The following PPME1 variants were observed in gnomAD, a reference collection of about 807,000 sequenced individuals.
The protein encoded by PPME1 is testicular secretory protein Li 39.
Under a neutral mutation model 56.9 loss-of-function variants are expected in PPME1, and 17 were observed. The observed-to-expected ratio is 0.30, with a 90% CI of 0.20 to 0.45. PPME1 has a LOEUF of 0.45. PPME1 is among the 20% of genes least tolerant of loss of function. The pLI, the probability that PPME1 is intolerant of heterozygous loss-of-function variation, is 1.00. For synonymous variants in PPME1, 122 were observed against 156.2 expected, an observed-to-expected ratio of 0.78 and a Z score of 1.63; for missense variants, 357 against 483.2, an observed-to-expected ratio of 0.74 and a Z score of 2.45.
At chr11:74,201,414 A>C (rs373507145) in intron 1 of PPME1, among the ~76,000 whole-genome samples, 6 of 152,356 alleles carry the variant, frequency 3.9e-5, no homozygotes, top group African/African-American at 1.4e-4. Context: ...TGGCATTGGC[A>C]GAATCAGCTA....
At chr11:74,240,245 C>T (rs1461524468) in intron 9 of PPME1, among the ~76,000 whole-genome samples, 2 of 152,112 alleles carry the variant, frequency 1.3e-5, no homozygotes, top group African/African-American at 4.8e-5. Flanking sequence ...CTCAGAAATA[C>T]TATGGTCCTT....
chr11:74,173,263 ATTG>A (rs1857328025), intron 1 of PPME1, among the ~76,000 whole-genome samples: 1 of 152,224 alleles, frequency 6.6e-6, no homozygotes, highest in South Asian at 2.1e-4. Context: ...TGTAACATTA[ATTG>A]TTGTTAAATA....
At chr11:74,225,063 A>T (rs1858899409) in intron 4 of PPME1, 142 bp from the exon 5 acceptor site, 1 of 569,120 alleles carries the variant, frequency 1.8e-6, no homozygotes, top group Non-Finnish European at 3.0e-6. Flanking sequence ...GATTTTTCTG[A>T]AGAAAATCCT....
chr11:74,230,458 G>A lies in PPME1; in HGVS notation c.553+59G>A. 6.5e-7 allele frequency: 1 copy of A among 1,544,494 alleles called. No homozygotes were observed. Among genetic ancestry groups the A allele is most frequent in the South Asian group, 1.2e-5 (1 of 86,928 alleles). On this transcript the variant is annotated intron_variant, in intron 6 of 13. Transcript: ENST00000328257. The surrounding 1 kb of genome is among the most constrained non-coding windows in gnomAD (Gnocchi z 4.9). Reference sequence around the variant, plus strand: ...TCACTTATAAGAGACATCCTTGGTAGATTATTACCTTGTCTTAGTTTATTG... The same window carrying A: ...TCACTTATAAGAGACATCCTTGGTAAATTATTACCTTGTCTTAGTTTATTG...
chr11:74,224,782 G>C (rs913337054), intron 4 of PPME1, among the ~76,000 whole-genome samples: 5 of 150,318 alleles, frequency 3.3e-5, no homozygotes, highest in Non-Finnish European at 5.9e-5. Flanking sequence ...TGTGATTTTT[G>C]TACATTGATT....
In PPME1 at chr11:74,245,562, A is replaced by AT. The variant is rs553699910; in HGVS notation, c.835-513dup. Reference sequence around the variant, plus strand: ...ATTGCAGGAACATTATATCATTATCATAAAATATAAGAAAAAATGCTCTAC... The same window carrying AT: ...ATTGCAGGAACATTATATCATTATCATTAAAATATAAGAAAAAATGCTCTAC... On this transcript the variant is annotated intron_variant, in intron 9 of 13. Coordinates refer to ENST00000328257, the MANE Select transcript of PPME1 (RefSeq NM_016147.3). 2.2e-3 allele frequency among the ~76,000 whole-genome samples: 333 copies of AT among 152,302 alleles called. 4 individuals are homozygous for AT. The Middle Eastern group carries it at 0.027, about 12-fold the overall frequency.
At chr11:74,248,909 C>A (rs539461290) in intron 11 of PPME1, 6 of 152,276 alleles carry the variant, frequency 3.9e-5, no homozygotes, top group African/African-American at 1.4e-4. Context: ...GGGTTTGAAT[C>A]ACTGTTAATA....
intron 13 of PPME1, among the ~76,000 whole-genome samples, chr11:74,252,251 G>GTTTTT (rs1249533305): frequency 6.7e-4 from 79 of 118,460 alleles, no homozygotes; most frequent in African/African-American, 2.3e-3. Flanking sequence ...TTTTTTTTTT[G>GTTTTT]TTTTTTTTTT....
At chr11:74,181,762 A>T (rs574677570) in intron 1 of PPME1, among the ~76,000 whole-genome samples, 1 of 152,292 alleles carries the variant, frequency 6.6e-6, no homozygotes, top group South Asian at 2.1e-4. Flanking sequence ...TTTTACCAGG[A>T]ATCAGCAAAC....
intron 1 of PPME1, among the ~76,000 whole-genome samples, chr11:74,201,190 T>A (rs1858154369): frequency 6.6e-6 from 1 of 152,040 alleles, no homozygotes. Flanking sequence ...TTAGCCAGGA[T>A]GGTCTCGATC....
chr11:74,191,564 C>T (rs952568319), intron 1 of PPME1, among the ~76,000 whole-genome samples: 3 of 152,206 alleles, frequency 2.0e-5, no homozygotes, highest in African/African-American at 4.8e-5. Context: ...TCCCTCTCAT[C>T]ACAGGTCCAG....
At position 74,230,263 on chromosome 11, in the gene PPME1, T is replaced by G; in HGVS notation, c.417T>G (p.Val139=). Residue 139 remains valine (V), a synonymous_variant, in exon 6 of 14, where the codon GTT becomes GTG. Coordinates refer to ENST00000328257, the MANE Select transcript of PPME1 (RefSeq NM_016147.3). The surrounding 1 kb of genome is among the most constrained non-coding windows in gnomAD (Gnocchi z 4.9). ...TTTGCAGAGACGTTGGCAATGTGGT[T>G]GAAGCCATGTATGGGGACCTTCCTC... ...ETMAKDVGNV[V]EAMYGDLPPP... The G allele has an allele frequency of 6.2e-7, 1 of 1,610,716 alleles. No individual in the cohort carries two copies. Among genetic ancestry groups the G allele is most frequent in the Non-Finnish European group, 8.5e-7 (1 of 1,178,836 alleles).
At chr11:74,183,755 A>G (rs939798145) in intron 1 of PPME1, among the ~76,000 whole-genome samples, 9 of 152,222 alleles carry the variant, frequency 5.9e-5, no homozygotes, top group Admixed American at 2.0e-4. Flanking sequence ...TATTTCATCT[A>G]TTCTAGCAAC....
In PPME1 at chr11:74,217,413, G is replaced by A. The variant is rs139530039; in HGVS notation, c.289-4899G>A. On this transcript the variant is annotated intron_variant, in intron 3 of 13. Transcript: ENST00000328257. ...AAAAATTAGCCAGACATGGTGGCGC[G>A]CACTTCTTATTCCAGCTACTCAAGA... Among the ~76,000 whole-genome samples the A allele has an allele frequency of 2.3e-3, 354 of 151,798 alleles. 1 individual carries two copies. The highest frequency in any genetic ancestry group is 7.7e-3 in the African/African-American group (317 of 41,410).
chr11:74,220,426 T>G (rs1858768850), intron 3 of PPME1, among the ~76,000 whole-genome samples: 1 of 152,224 alleles, frequency 6.6e-6, no homozygotes, highest in Non-Finnish European at 1.5e-5. Context: ...GAATCAGAAT[T>G]TCTGGTGGGT....
chr11:74,171,307 C>G lies in PPME1; in HGVS notation c.-115C>G. ...AGGCGGTGCTACGGGTAGCTGGGTGCTGTCCAAAGGCGACAGGGCGTCGTT... is the reference window on the plus strand; with the variant it reads ...AGGCGGTGCTACGGGTAGCTGGGTGGTGTCCAAAGGCGACAGGGCGTCGTT... On this transcript the variant is annotated 5_prime_UTR_variant, in exon 1 of 14. Coordinates refer to ENST00000328257, the MANE Select transcript of PPME1 (RefSeq NM_016147.3). 1 of 1,510,096 alleles carries G rather than the reference C, an allele frequency of 6.6e-7. No homozygotes were observed. Among genetic ancestry groups the G allele is most frequent in the Non-Finnish European group, 8.9e-7 (1 of 1,129,834 alleles). The allele number at this position is 1,510,096 out of a possible 1,614,324, so 93.5% of individuals were successfully genotyped here.
chr11:74,189,173 TGA>T (rs1314897088), intron 1 of PPME1, among the ~76,000 whole-genome samples: 1 of 152,218 alleles, frequency 6.6e-6, no homozygotes, highest in Admixed American at 6.5e-5. Flanking sequence ...GCAGATCACT[TGA>T]GCTCAGGAGT....
intron 9 of PPME1, among the ~76,000 whole-genome samples, chr11:74,243,123 C>T (rs1396541983): frequency 6.6e-6 from 1 of 152,016 alleles, no homozygotes; most frequent in Non-Finnish European, 1.5e-5. Flanking sequence ...GATTGTTAGC[C>T]AACTTTCTGT....
intron 13 of PPME1, among the ~76,000 whole-genome samples, chr11:74,252,922 G>C (rs866930890): frequency 6.6e-6 from 1 of 152,166 alleles, no homozygotes; most frequent in Non-Finnish European, 1.5e-5. Flanking sequence ...AGTCTGTACT[G>C]CAGAAGGCCT....
Sources: allele counts gnomAD v4.1 joint callset (sites outside exome capture counted in the v4.1 genomes callset), GRCh38; gene constraint gnomAD v4.1.1; non-coding constraint Gnocchi (gnomAD v3.1); transcripts MANE v1.5; gene names NCBI Gene and HGNC (gene_info 2026-07-23, HGNC 2026-07-21).